ASZ1: variants seen among roughly 807,000 people sequenced by gnomAD.
The protein encoded by ASZ1 is ankyrin repeat, SAM and basic leucine zipper domain-containing protein 1.
Under a neutral mutation model 61.8 loss-of-function variants are expected in ASZ1, and 67 were observed. The ratio of observed to expected loss-of-function variants is 1.08; its 90% CI spans 0.89 to 1.33. The LOEUF is 1.33. ASZ1 is among the 40% of genes most tolerant of loss of function. The pLI, the probability that ASZ1 is intolerant of heterozygous loss-of-function variation, is 0.00. For synonymous variants in ASZ1, 193 were observed against 192.7 expected (o/e 1.00, Z -0.01); for missense variants, 577 against 554.5 (o/e 1.04, Z -0.41).
chr7:117,417,071 G>C (rs1415051542), intron 4 of ASZ1, among the ~76,000 whole-genome samples: 5 of 152,068 alleles, frequency 3.3e-5, no homozygotes, highest in African/African-American at 1.2e-4. Flanking sequence ...ATGGAGAAGA[G>C]TTCATGCTAC....
At chr7:117,386,817 A>G (rs912936199) in intron 4 of ASZ1, among the ~76,000 whole-genome samples, 1 of 152,090 alleles carries the variant, frequency 6.6e-6, no homozygotes. Context: ...AGCACAATTC[A>G]TATATATCTG....
intron 4 of ASZ1, among the ~76,000 whole-genome samples, chr7:117,404,925 A>G (rs535194207): frequency 3.3e-5 from 5 of 152,212 alleles, no homozygotes; most frequent in African/African-American, 1.2e-4. Flanking sequence ...CATCCCATTG[A>G]CAGAGAAACC....
rs113208941 is a variant in ASZ1, at chr7:117,404,218, C to T, written c.440+15945G>A. ...TTATCTTAGGCTAAAGGGGTTAGTG[C>T]CTGCCATCTCTCTGTGGGAGGGGTG... On this transcript the variant is annotated intron_variant, in intron 4 of 12. Transcript: ENST00000284629. Among the ~76,000 whole-genome samples the T allele has an allele frequency of 5.6e-3, 849 of 152,120 alleles. 8 individuals are homozygous for T. The highest frequency in any genetic ancestry group is 0.019 in the African/African-American group (783 of 41,486).
chr7:117,411,895 T>A (rs12333572), intron 4 of ASZ1, among the ~76,000 whole-genome samples: 81,359 of 151,604 alleles, frequency 0.54, 24,602 homozygotes, highest in African/African-American at 0.83. Context: ...AAGAATAAAA[T>A]TTATAAACAA....
chr7:117,376,090 G>C (rs1315616710), intron 10 of ASZ1, among the ~76,000 whole-genome samples: 1 of 151,842 alleles, frequency 6.6e-6, no homozygotes, highest in Non-Finnish European at 1.5e-5. Flanking sequence ...AAAGAGAAAA[G>C]ACAGAAATCG....
intron 10 of ASZ1, among the ~76,000 whole-genome samples, chr7:117,369,300 T>C (rs980790243): frequency 1.1e-4 from 17 of 152,108 alleles, no homozygotes; most frequent in African/African-American, 3.4e-4. Flanking sequence ...TAAAGGTCAC[T>C]AAGGTGTAAT....
At chr7:117,380,133 G>T (rs1796222232) in intron 9 of ASZ1, 86 bp from the exon 10 acceptor site, 1 of 827,488 alleles carries the variant, frequency 1.2e-6, no homozygotes, top group Non-Finnish European at 1.9e-6. Flanking sequence ...TTTTCTTGAT[G>T]AATTCACATC....
intron 1 of ASZ1, 109 bp downstream of exon 1, chr7:117,427,247 A>AAGGGAAATACACGTG: frequency 8.0e-7 from 1 of 1,255,922 alleles, no homozygotes; most frequent in South Asian, 1.3e-5. Flanking sequence ...CACTGGGTAA[A>AAGGGAAATACACGTG]AGGGAAATAC....
intron 4 of ASZ1, among the ~76,000 whole-genome samples, chr7:117,398,776 A>G (rs765795147): frequency 1.3e-5 from 2 of 152,158 alleles, no homozygotes; most frequent in Non-Finnish European, 2.9e-5. Context: ...TTCTACTCTA[A>G]TATCTCATGA....
intron 4 of ASZ1, among the ~76,000 whole-genome samples, chr7:117,387,217 A>G (rs1796375716): frequency 6.6e-6 from 1 of 151,052 alleles, no homozygotes; most frequent in Admixed American, 6.6e-5. Context: ...CAGAGGTGGG[A>G]GAATCACCTG....
intron 4 of ASZ1, among the ~76,000 whole-genome samples, chr7:117,397,237 A>G (rs1334831891): frequency 6.6e-6 from 1 of 152,040 alleles, no homozygotes; most frequent in African/African-American, 2.4e-5. Flanking sequence ...AACCGAACCG[A>G]ACCGAACCAA....
rs1023894186 is a variant in ASZ1, at chr7:117,427,448, C to A, written c.13G>T (p.Ala5Ser). 1.9e-6 allele frequency: 3 copies of A among 1,613,826 alleles called. No homozygotes were observed. The highest frequency in any genetic ancestry group is 2.5e-6 in the Non-Finnish European group (3 of 1,179,908). Residue 5 changes from alanine to serine, a missense_variant, in exon 1 of 13, where the codon GCG (alanine) becomes TCG (serine). By Grantham distance (99) the Ala-to-Ser change is moderately conservative. Transcript: ENST00000284629. The stretch of plus-strand genomic sequence containing the variant: ...CCAGCCACTGGCAGGCCTCGCAGCG[C>A]GCTCGCCGCCATGCCAGCCAAGGAA... MAAS[A>S]LRGLPVAGGG... is the part of the protein sequence containing the mutation.
chr7:117,403,963 A>T (rs1796729675), intron 4 of ASZ1, among the ~76,000 whole-genome samples: 1 of 152,170 alleles, frequency 6.6e-6, no homozygotes, highest in African/African-American at 2.4e-5. Context: ...CCTGATGAGA[A>T]TCTAACGCCT....
intron 4 of ASZ1, among the ~76,000 whole-genome samples, chr7:117,411,187 T>C (rs555057655): frequency 1.3e-5 from 2 of 151,792 alleles, no homozygotes; most frequent in African/African-American, 2.4e-5. Context: ...AAGGTCCAGG[T>C]AGATTTCCAG....
At chr7:117,419,941 C>T (rs561392310) in intron 4 of ASZ1, among the ~76,000 whole-genome samples, 4 of 152,292 alleles carry the variant, frequency 2.6e-5, no homozygotes, top group Middle Eastern at 3.4e-3. Flanking sequence ...CCCTCTCATT[C>T]TAAATTCTTA....
chr7:117,368,003 T>G, intron 11 of ASZ1: 1 of 503,220 alleles, frequency 2.0e-6, no homozygotes, highest in Non-Finnish European at 2.6e-6. Context: ...TGCCTCAGCC[T>G]CCTGAATAGC....
intron 4 of ASZ1, among the ~76,000 whole-genome samples, chr7:117,394,196 C>T (rs1328928222): frequency 6.6e-6 from 1 of 152,114 alleles, no homozygotes; most frequent in Non-Finnish European, 1.5e-5. Context: ...CCTTGACCTC[C>T]TGGGCTCAAG....
chr7:117,401,389 T>C (rs1796677183), intron 4 of ASZ1, among the ~76,000 whole-genome samples: 1 of 151,004 alleles, frequency 6.6e-6, no homozygotes, highest in Non-Finnish European at 1.5e-5. Context: ...CTGTTTTTTT[T>C]TTTTTAAAAA....
At chr7:117,374,454 A>T (rs1017653468) in intron 10 of ASZ1, among the ~76,000 whole-genome samples, 2 of 152,098 alleles carry the variant, frequency 1.3e-5, no homozygotes, top group African/African-American at 2.4e-5. Context: ...AGGTAAGGGA[A>T]CCACTAGCAT....
Sources: allele counts gnomAD v4.1 joint callset (sites outside exome capture counted in the v4.1 genomes callset), GRCh38; gene constraint gnomAD v4.1.1; transcripts MANE v1.5; gene names NCBI Gene and HGNC (gene_info 2026-07-23, HGNC 2026-07-21).